The following NOL8 variants were observed in gnomAD, a reference collection of about 807,000 sequenced individuals.
NOL8 encodes nucleolar protein Nop132.
Under a neutral mutation model 116.1 loss-of-function variants are expected in NOL8, and 93 were observed. The observed-to-expected ratio is 0.80, with a 90% confidence interval of 0.68 to 0.95. NOL8 has a LOEUF of 0.95. Ranked by LOEUF, NOL8 falls within the 40% of genes least tolerant of loss-of-function variation. The pLI is 0.00. For synonymous variants in NOL8, 419 were observed against 469.0 expected (o/e 0.89, Z 1.38); for missense variants, 1,291 against 1,382.8 (o/e 0.93, Z 1.05).
chr9:92,310,318 G>A, intron 9 of NOL8, 57 bp from the exon 10 acceptor site: 1 of 1,459,140 alleles, frequency 6.9e-7, no homozygotes. Context: ...AATTGCTTCT[G>A]ACGAAGACTG....
chr9:92,319,176 G>GT, intron 5 of NOL8, 45 bp downstream of exon 5: 1 of 1,478,354 alleles, frequency 6.8e-7, no homozygotes, highest in Non-Finnish European at 8.9e-7. Flanking sequence ...TCAGGCATCA[G>GT]TTTCCAAGAC....
chr9:92,303,638 A>T (rs985173158), intron 12 of NOL8, among the ~76,000 whole-genome samples: 3 of 152,152 alleles, frequency 2.0e-5, no homozygotes, highest in African/African-American at 7.2e-5. Flanking sequence ...CTAAAAAGAG[A>T]TAAGAAGCTT....
At chr9:92,309,395 A>C (rs1379356765) in intron 10 of NOL8, among the ~76,000 whole-genome samples, 1 of 152,192 alleles carries the variant, frequency 6.6e-6, no homozygotes, top group African/African-American at 2.4e-5. Context: ...TCTGTAGAAA[A>C]AGGAAGAAGC....
chr9:92,324,031 T>C lies in NOL8; in HGVS notation c.131A>G (p.Asp44Gly). The C allele has an allele frequency of 6.2e-7, 1 of 1,613,988 alleles. No individual in the cohort carries two copies. The highest frequency in any genetic ancestry group is 1.1e-5 in the South Asian group (1 of 91,082). The change falls in exon 2 of 17, where the codon GAT (aspartate) becomes GGT (glycine). Residue 44 changes from aspartate to glycine, a missense_variant. Physicochemically the swap from Asp to Gly is moderately conservative, Grantham distance 94 (BLOSUM62 -1). Transcript: ENST00000442668. Reference sequence around the variant, plus strand: ...GAAGGACCATAAATTACCTTGGTCATCTTTCCGTGTGATGATCTCCACATC... The same window carrying C: ...GAAGGACCATAAATTACCTTGGTCACCTTTCCGTGTGATGATCTCCACATC... Reference protein sequence around the residue: ...VSDVEIITRKDDQGNPQKVFA... With the variant: ...VSDVEIITRKGDQGNPQKVFA...
chr9:92,323,231 C>A, intron 3 of NOL8: 1 of 1,384,694 alleles, frequency 7.2e-7, no homozygotes, highest in Non-Finnish European at 9.5e-7. Flanking sequence ...TTTAAGTAAA[C>A]CCACCAGTAA....
chr9:92,300,969 C>T (rs902297062), intron 13 of NOL8, among the ~76,000 whole-genome samples: 2 of 152,114 alleles, frequency 1.3e-5, no homozygotes, highest in African/African-American at 2.4e-5. Flanking sequence ...AAGCTGGAAC[C>T]CTGGGTGAGG....
At chr9:92,304,568 CG>C (rs985219626) in intron 12 of NOL8, among the ~76,000 whole-genome samples, 2 of 151,990 alleles carry the variant, frequency 1.3e-5, no homozygotes, top group African/African-American at 4.8e-5. Context: ...TTGTTCAATA[CG>C]GATTATCTGA....
In NOL8 at chr9:92,298,866, T is replaced by C. The variant is rs1209859530; in HGVS notation, c.3373+18A>G. 1 of 1,449,864 alleles carries C rather than the reference T, an allele frequency of 6.9e-7. No homozygotes were observed. Among genetic ancestry groups the C allele is most frequent in the Admixed American group, 2.3e-5 (1 of 43,964 alleles). 89.8% of individuals were successfully genotyped at this position (1,449,864 alleles called of 1,614,324 possible). On this transcript the variant is annotated intron_variant, in intron 15 of 16. Coordinates refer to ENST00000442668, the MANE Select transcript of NOL8 (RefSeq NM_017948.6). ...TACCTGTTCTATGTATGTAATTTGA[T>C]GAAAAAAATGGACTGACCTTGAAGT...
chr9:92,323,371 G>T, intron 3 of NOL8, 70 bp downstream of exon 3: 1 of 1,539,978 alleles, frequency 6.5e-7, no homozygotes. Flanking sequence ...TTTAGATTTA[G>T]AACCAGTTAT....
intron 10 of NOL8, among the ~76,000 whole-genome samples, chr9:92,309,500 A>AG (rs1308054551): frequency 1.3e-5 from 2 of 152,062 alleles, no homozygotes; most frequent in Admixed American, 1.3e-4. Context: ...TTCAGGAAGG[A>AG]GAAAAAAAAA....
In NOL8 at chr9:92,301,778, G is replaced by T. The variant is rs527575352; in HGVS notation, c.2948C>A (p.Pro983His). The T allele has an allele frequency of 4.4e-5, 71 of 1,601,172 alleles. 1 individual carries two copies. In the South Asian group the frequency reaches 7.4e-4, roughly 17 times the overall value. Reference protein sequence around the residue: ...KKKREEAEKLPEVSKEMYYNI... With the variant: ...KKKREEAEKLHEVSKEMYYNI... ...ATAATACATTTCTTTAGACACCTCAGGTAGTTTCTCAGCTTCCTCCCTTTT... is the reference window on the plus strand; with the variant it reads ...ATAATACATTTCTTTAGACACCTCATGTAGTTTCTCAGCTTCCTCCCTTTT... Residue 983 changes from proline (P) to histidine (H), a missense_variant, in exon 13 of 17, where the codon CCT (proline) becomes CAT (histidine). Pro to His is a moderately conservative substitution (Grantham distance 77). Transcript: ENST00000442668.
rs1839232011 is a variant in NOL8 at position 92,314,973 on chromosome 9, C to T, written c.1652G>A (p.Gly551Glu). 6.2e-7 allele frequency: 1 copy of T among 1,613,880 alleles called. No homozygotes were observed. The highest frequency in any genetic ancestry group is 1.7e-5 in the Admixed American group (1 of 60,004). Residue 551 changes from glycine to glutamate, a missense_variant, in exon 7 of 17, where the codon GGA becomes GAA. Coordinates refer to ENST00000442668, the MANE Select transcript of NOL8 (RefSeq NM_017948.6). The part of the protein sequence containing the change: ...PAEIVASLLE[G>E]EENTCGKQKP... ...CTGTTTGCCACAGGTGTTCTCCTCT[C>T]CTTCTAACAGGGAAGCCACAATCTC... is the stretch of plus-strand genomic sequence containing the variant.
intron 5 of NOL8, 114 bp downstream of exon 5, chr9:92,319,107 C>T: frequency 8.4e-7 from 1 of 1,191,256 alleles, no homozygotes; most frequent in Non-Finnish European, 1.1e-6. Context: ...TGTTAATTGC[C>T]TCCAAGAAAG....
In NOL8 at chr9:92,315,290, A is replaced by C; in HGVS notation, c.1335T>G (p.Leu445=). The change falls in exon 7 of 17, where the codon CTT becomes CTG. Residue 445 remains leucine, a synonymous_variant. Transcript: ENST00000442668. The part of the protein sequence containing the change: ...ESALSHGLKS[L]NRKSPSHSSS... Reference sequence around the variant, plus strand: ...TGGAGTGAGAGGGAGATTTACGATTAAGAGACTTTAATCCATGACTGAGGG... The same window carrying C: ...TGGAGTGAGAGGGAGATTTACGATTCAGAGACTTTAATCCATGACTGAGGG... 6.2e-7 allele frequency: 1 copy of C among 1,614,012 alleles called. No individual in the cohort carries two copies. The highest frequency in any genetic ancestry group is 8.5e-7 in the Non-Finnish European group (1 of 1,179,880).
At position 92,299,994 on chromosome 9, in the gene NOL8, C is replaced by A. The variant is rs780121016; in HGVS notation, c.3198G>T (p.Val1066=). Residue 1066 remains valine (V), a synonymous_variant, in exon 14 of 17, where the codon GTG becomes GTT. Transcript: ENST00000442668. Reference sequence around the variant, plus strand: ...CCTGCCAGACAATCTTTCCAGGTTTCACTGTTTCAACTCTGTAGGTCTCTA... The same window carrying A: ...CCTGCCAGACAATCTTTCCAGGTTTAACTGTTTCAACTCTGTAGGTCTCTA... ...IKEETYRVET[V]KPGKIVWQED... is the part of the protein sequence containing the mutation. 2 of 1,613,458 alleles carry A rather than the reference C, an allele frequency of 1.2e-6. No homozygotes were observed. The highest frequency in any genetic ancestry group is 2.2e-5 in the South Asian group (2 of 91,068).
At chr9:92,324,345 T>C (rs1464919428) in intron 1 of NOL8, 136 bp from the exon 2 acceptor site, 6 of 722,392 alleles carry the variant, frequency 8.3e-6, no homozygotes, top group Non-Finnish European at 1.3e-5. Flanking sequence ...CAAATTTTAG[T>C]CTTCGAGGTT....
intron 4 of NOL8, 80 bp downstream of exon 4, chr9:92,321,588 C>T: frequency 1.3e-6 from 1 of 783,220 alleles, no homozygotes; most frequent in Non-Finnish European, 2.0e-6. Context: ...TACTATATTA[C>T]TTGATAATTT....
chr9:92,300,896 A>C, intron 13 of NOL8: 1 of 1,009,562 alleles, frequency 9.9e-7, no homozygotes, highest in South Asian at 3.5e-5. Flanking sequence ...GAATCATTGT[A>C]GTTAGGTATG....
intron 12 of NOL8, 88 bp downstream of exon 12, chr9:92,305,665 A>G (rs1838172187): frequency 1.1e-6 from 1 of 901,766 alleles, no homozygotes; most frequent in African/African-American, 1.7e-5. Context: ...ACCAATGAGT[A>G]GGATATTGGT....
Sources: gnomAD v4.1 joint callset for allele counts (sites outside exome capture counted in the v4.1 genomes callset) on GRCh38, gnomAD v4.1.1 for gene constraint, MANE v1.5 for transcripts, NCBI Gene and HGNC (gene_info 2026-07-23, HGNC 2026-07-21) for gene names.